The following PLA2G4C variants were observed in gnomAD, a reference collection of about 807,000 sequenced individuals.
PLA2G4C encodes phospholipase A2 group IVC.
PLA2G4C carries 64 observed loss-of-function variants against 73.8 expected under a neutral mutation model. The observed-to-expected ratio is 0.87, with a 90% confidence interval of 0.71 to 1.07. PLA2G4C has a LOEUF of 1.07. Ranked by LOEUF, PLA2G4C falls within the 50% of genes least tolerant of loss-of-function variation. The pLI is 0.00. For synonymous variants in PLA2G4C, 254 were observed against 252.1 expected, an observed-to-expected ratio of 1.01 and a Z score of -0.07; for missense variants, 622 against 665.4, an observed-to-expected ratio of 0.93 and a Z score of 0.72.
rs114307246 is a variant in PLA2G4C at position 48,069,746 on chromosome 19, G to A, written c.1007-1860C>T. On this transcript the variant is annotated intron_variant, in intron 12 of 16. Coordinates refer to ENST00000599921, the MANE Select transcript of PLA2G4C (RefSeq NM_003706.3). ...TGACTTCATCACTCATTAGCTGTGT[G>A]ACCCTGAGCAAGTTACTTTTATTTA... 2.9e-3 allele frequency among the ~76,000 whole-genome samples: 443 copies of A among 152,182 alleles called. 3 individuals are homozygous for A. The highest frequency in any genetic ancestry group is 9.7e-3 in the African/African-American group (404 of 41,550).
chr19:48,082,227 CA>C (rs34737959), intron 10 of PLA2G4C, among the ~76,000 whole-genome samples: 6 of 147,958 alleles, frequency 4.1e-5, no homozygotes, highest in Non-Finnish European at 3.0e-5. Context: ...AGTAAAAATT[CA>C]AAAAAAAACA....
intron 12 of PLA2G4C, 99 bp from the exon 13 acceptor site, chr19:48,067,985 T>C (rs2122517191): frequency 1.2e-6 from 1 of 858,950 alleles, no homozygotes; most frequent in Non-Finnish European, 2.0e-6. Flanking sequence ...CCCCATGGGG[T>C]TGTATCTGGA....
chr19:48,095,767 C>A (rs2031535662), intron 6 of PLA2G4C, among the ~76,000 whole-genome samples, 163 bp from the exon 7 acceptor site: 1 of 152,166 alleles, frequency 6.6e-6, no homozygotes, highest in African/African-American at 2.4e-5. Context: ...CATCCTCAGA[C>A]CTGAGTCTAC....
At chr19:48,090,177 A>C in intron 8 of PLA2G4C, 187 bp downstream of exon 8, 2 of 583,950 alleles carry the variant, frequency 3.4e-6, no homozygotes, top group Non-Finnish European at 3.1e-6. Flanking sequence ...CTTCCAAGGG[A>C]GTCTGTACTC....
chr19:48,092,002 C>T (rs1167364957), intron 7 of PLA2G4C, among the ~76,000 whole-genome samples: 1 of 151,120 alleles, frequency 6.6e-6, no homozygotes, highest in African/African-American at 2.4e-5. Flanking sequence ...CCTGGGACAC[C>T]ATTGGGCAGA....
chr19:48,098,333 C>T (rs925522474), intron 5 of PLA2G4C, 74 bp from the exon 6 acceptor site: 19 of 1,396,512 alleles, frequency 1.4e-5, no homozygotes, highest in Non-Finnish European at 1.5e-5. Context: ...GCACGTAGGC[C>T]ACATTTTTTT....
At chr19:48,054,454 C>T (rs1320148450) in intron 15 of PLA2G4C, among the ~76,000 whole-genome samples, 1 of 151,854 alleles carries the variant, frequency 6.6e-6, no homozygotes, top group African/African-American at 2.4e-5. Context: ...CAGGCACGCA[C>T]CACCAAGCCC....
At chr19:48,065,950 A>G (rs1864108) in intron 13 of PLA2G4C, among the ~76,000 whole-genome samples, 126,084 of 151,970 alleles carry the variant, frequency 0.83, 53,302 homozygotes, top group African/African-American at 0.97. Context: ...AAAATTAGCC[A>G]GGCGTGGTGG....
At chr19:48,094,817 T>C (rs1360903448) in intron 7 of PLA2G4C, among the ~76,000 whole-genome samples, 3 of 152,112 alleles carry the variant, frequency 2.0e-5, no homozygotes, top group Non-Finnish European at 4.4e-5. Context: ...ATACCCCATT[T>C]AAAAAAAATT....
rs1031500562 is a variant in PLA2G4C at position 48,072,584 on chromosome 19, G to A, written c.1006+2183C>T. ...CTTCTGAGCTATCACCTTGGAAAAG[G>A]AGGCTTCTTCATTAATCCCATCTAA... On this transcript the variant is annotated intron_variant, in intron 12 of 16. Transcript: ENST00000599921. This position sits in a 1 kb window ranked among gnomAD's most constrained non-coding sequence, Gnocchi z 4.4. The A allele has an allele frequency of 6.6e-6, 1 of 152,130 alleles. No individual in the cohort carries two copies. Among genetic ancestry groups the A allele is most frequent in the African/African-American group, 2.4e-5 (1 of 41,420 alleles). The allele number at this position is 152,130 out of a possible 1,614,324, so 9.4% of individuals were successfully genotyped here. A position where few individuals can be genotyped will look rare whatever the true frequency, so the allele number is the denominator to read the frequency against.
In PLA2G4C at chr19:48,048,305, AC is replaced by A. The variant is rs1221920025; in HGVS notation, c.*37del. On this transcript the variant is annotated 3_prime_UTR_variant, in exon 17 of 17. Coordinates refer to ENST00000599921, the MANE Select transcript of PLA2G4C (RefSeq NM_003706.3). ...CAGGTGGACATCAGGGCCCTAGTAG[AC>A]CAACAGGCCCACAGTGCCCTGGAAG... The A allele has an allele frequency of 5.1e-6, 8 of 1,554,478 alleles. No homozygotes were observed. Among genetic ancestry groups the A allele is most frequent in the African/African-American group, 1.4e-5 (1 of 72,732 alleles).
chr19:48,068,847 C>T (rs937024271), intron 12 of PLA2G4C, among the ~76,000 whole-genome samples: 2 of 151,844 alleles, frequency 1.3e-5, no homozygotes, highest in Admixed American at 1.3e-4. Flanking sequence ...CTCTGCAAGC[C>T]ATGGAGAGAG....
chr19:48,097,452 CTG>C (rs1219112775), intron 6 of PLA2G4C, among the ~76,000 whole-genome samples: 1 of 151,246 alleles, frequency 6.6e-6, no homozygotes, highest in African/African-American at 2.4e-5. Flanking sequence ...CGGGGTTTCA[CTG>C]TGTTAGTCAG....
intron 10 of PLA2G4C, among the ~76,000 whole-genome samples, chr19:48,082,496 C>CTTTTTTTTTTTTTTTTTTTTTTTTT (rs66641645): frequency 9.4e-6 from 1 of 106,280 alleles, no homozygotes; most frequent in African/African-American, 3.8e-5. Context: ...TTCTTTCTTT[C>CTTTTTTTTTTTTTTTTTTTTTTTTT]TTTTTTTTTT....
chr19:48,078,348 T>C (rs1183342396), intron 10 of PLA2G4C, among the ~76,000 whole-genome samples: 1 of 152,138 alleles, frequency 6.6e-6, no homozygotes, highest in Non-Finnish European at 1.5e-5. Context: ...TTCAACATAG[T>C]ACTGGAAGTC....
intron 7 of PLA2G4C, 78 bp downstream of exon 7, chr19:48,095,386 C>T: frequency 7.1e-7 from 1 of 1,403,022 alleles, no homozygotes. Context: ...GCTGGGCAAA[C>T]TAGACCCTCA....
chr19:48,106,764 T>A (rs756468960), intron 1 of PLA2G4C: 1 of 566,698 alleles, frequency 1.8e-6, no homozygotes, highest in Non-Finnish European at 3.1e-6. Context: ...GGGAGAAATA[T>A]TTCAAGCGCG....
At chr19:48,106,700 T>A (rs2032253504) in intron 1 of PLA2G4C, 139 bp from the exon 2 acceptor site, 2 of 650,678 alleles carry the variant, frequency 3.1e-6, no homozygotes, top group Non-Finnish European at 2.8e-6. Flanking sequence ...ACAGCAGGTG[T>A]TGCAGCAAAG....
chr19:48,048,899 T>C (rs1421247939), intron 16 of PLA2G4C, among the ~76,000 whole-genome samples: 1 of 152,182 alleles, frequency 6.6e-6, no homozygotes, highest in Non-Finnish European at 1.5e-5. Flanking sequence ...TGGGAGTGGA[T>C]CCTTCATGAA....
Sources: gnomAD v4.1 joint callset for allele counts (sites outside exome capture counted in the v4.1 genomes callset) on GRCh38, gnomAD v4.1.1 for gene constraint, Gnocchi (gnomAD v3.1) non-coding constraint, MANE v1.5 for transcripts, NCBI Gene and HGNC (gene_info 2026-07-23, HGNC 2026-07-21) for gene names.